Variants in FGF13 observed in about 807,000 individuals in gnomAD.
FGF13 encodes fibroblast growth factor homologous factor 2.
Under a neutral mutation model 19.5 loss-of-function variants are expected in FGF13, and 2 were observed. That is an observed-to-expected ratio of 0.10 (90% CI 0.04 to 0.32). The LOEUF (loss-of-function observed/expected upper bound fraction) is 0.32, where lower values mean the gene tolerates loss of function less well. Among genes scored for constraint, FGF13 ranks in the 10% least tolerant of loss-of-function variants. FGF13 has a pLI of 1.00. For missense variants in FGF13, 113 were observed against 192.7 expected (o/e 0.59, Z 2.45); for synonymous variants, 72 against 76.9 (o/e 0.94, Z 0.33).
intron 3 of FGF13, among the ~76,000 whole-genome samples, chrX:138,697,721 T>A (rs1276752793): frequency 9.0e-6 from 1 of 111,327 alleles, no homozygotes; most frequent in Non-Finnish European, 1.9e-5. Context: ...ATAAAAAAAA[T>A]AATAGTAATG....
At chrX:138,633,099 G>T in intron 4 of FGF13, 113 bp from the exon 5 acceptor site, 1 of 748,863 alleles carries the variant, frequency 1.3e-6, no homozygotes. Flanking sequence ...TGATAAGTAT[G>T]TGAGGTAATG....
chrX:138,954,394 T>C (rs945363009), intron 1 of FGF13, among the ~76,000 whole-genome samples: 26 of 111,885 alleles, frequency 2.3e-4, no homozygotes, highest in African/African-American at 7.8e-4. Context: ...ATTTTTTAAA[T>C]ACCATTTTCA....
intron 1 of FGF13, among the ~76,000 whole-genome samples, chrX:139,144,479 C>G (rs925997754): frequency 2.7e-5 from 3 of 111,587 alleles, no homozygotes; most frequent in Non-Finnish European, 5.6e-5. Flanking sequence ...CTCCAGAAGA[C>G]CCCCCTGACA....
chrX:139,028,582 C>T (rs759584562), intron 1 of FGF13, among the ~76,000 whole-genome samples: 3 of 61,600 alleles, frequency 4.9e-5, no homozygotes, highest in African/African-American at 1.1e-4. Context: ...GGAGAGAGAG[C>T]GTGTGTGTGT....
At chrX:138,897,097 C>T (rs1359582023) in intron 1 of FGF13, among the ~76,000 whole-genome samples, 1 of 111,580 alleles carries the variant, frequency 9.0e-6, no homozygotes, top group Non-Finnish European at 1.9e-5. Context: ...GCAACCTCCG[C>T]CTCCCAGGCT....
At chrX:139,095,877 C>T (rs370978246) in intron 1 of FGF13, among the ~76,000 whole-genome samples, 4 of 111,845 alleles carry the variant, frequency 3.6e-5, no homozygotes, top group Admixed American at 1.9e-4. Flanking sequence ...GGGTAGGGTG[C>T]AATGCCAGGG....
intron 1 of FGF13, among the ~76,000 whole-genome samples, chrX:138,728,130 G>A (rs2090200156): frequency 9.0e-6 from 1 of 111,199 alleles, no homozygotes; most frequent in Non-Finnish European, 1.9e-5. Flanking sequence ...TGAACCATAA[G>A]CCATCATGGA....
chrX:138,699,695 C>T lies in FGF13; in HGVS notation c.402+3289G>A, dbSNP rs778572512. Among the ~76,000 whole-genome samples the T allele has an allele frequency of 8.0e-5, 9 of 112,349 alleles. 1 individual carries two copies. In the South Asian group the frequency reaches 3.3e-3, roughly 41 times the overall value. On this transcript the variant is annotated intron_variant, in intron 3 of 4. Coordinates refer to ENST00000315930, the MANE Select transcript of FGF13 (RefSeq NM_004114.5). ...TATCTGCCATAATTAGTTATTCTTC[C>T]TCTGCTGGTCACTTTCATGCTGTTA...
At chrX:139,126,434 C>G (rs762908777) in intron 1 of FGF13, among the ~76,000 whole-genome samples, 17 of 111,322 alleles carry the variant, frequency 1.5e-4, no homozygotes, top group Non-Finnish European at 3.0e-4. Flanking sequence ...AAGTACGAAT[C>G]ACACTGGGCT....
At chrX:138,941,149 G>A (rs1025331374) in intron 1 of FGF13, among the ~76,000 whole-genome samples, 1 of 111,086 alleles carries the variant, frequency 9.0e-6, no homozygotes, top group African/African-American at 3.3e-5. Context: ...TTGAAAACCA[G>A]ACAAGAAAGG....
chrX:138,986,950 A>T (rs2091996910), intron 1 of FGF13, among the ~76,000 whole-genome samples: 1 of 112,502 alleles, frequency 8.9e-6, no homozygotes, highest in Admixed American at 9.4e-5. Flanking sequence ...TAATACTGTT[A>T]TAATGTTGCT....
chrX:138,663,545 C>T (rs1181720878), intron 3 of FGF13, among the ~76,000 whole-genome samples: 3 of 111,492 alleles, frequency 2.7e-5, no homozygotes. Context: ...TAAACTCATA[C>T]CTTGTGTTCA....
chrX:138,991,033 G>A (rs2092013394), intron 1 of FGF13, among the ~76,000 whole-genome samples: 1 of 111,958 alleles, frequency 8.9e-6, no homozygotes, highest in South Asian at 3.8e-4. Context: ...CCTTTGAAAT[G>A]GAGGCTCCAG....
chrX:139,061,987 A>C (rs2092337791), intron 1 of FGF13, among the ~76,000 whole-genome samples: 1 of 111,549 alleles, frequency 9.0e-6, no homozygotes, highest in East Asian at 2.8e-4. Flanking sequence ...ATAAATGTAT[A>C]GTTTGAAAAT....
At chrX:138,984,588 A>AGG (rs2091982417) in intron 1 of FGF13, among the ~76,000 whole-genome samples, 8 of 11,495 alleles carry the variant, frequency 7.0e-4, no homozygotes, top group Non-Finnish European at 1.1e-3. Context: ...GAAGAAGAAG[A>AGG]AGGAGGAGGA....
chrX:138,713,260 AAAAT>A (rs1447917875), upstream of FGF13, among the ~76,000 whole-genome samples: 1 of 112,610 alleles, frequency 8.9e-6, no homozygotes, highest in Non-Finnish European at 1.9e-5. Context: ...TTCATAGGGA[AAAAT>A]AAATCCCTGA....
At chrX:139,197,334 AG>A (rs1361368723) in intron 1 of FGF13, among the ~76,000 whole-genome samples, 2 of 112,807 alleles carry the variant, frequency 1.8e-5, no homozygotes, top group Non-Finnish European at 3.7e-5. Context: ...GGATTAAATT[AG>A]ATATATGTAA....
intron 3 of FGF13, among the ~76,000 whole-genome samples, chrX:138,768,262 G>A (rs2090516177): frequency 8.9e-6 from 1 of 112,170 alleles, no homozygotes; most frequent in Admixed American, 9.5e-5. Context: ...TATGAAATGT[G>A]GAAAGGCTTG....
chrX:138,987,279 T>C (rs1355843526), intron 1 of FGF13, among the ~76,000 whole-genome samples: 2 of 111,828 alleles, frequency 1.8e-5, no homozygotes, highest in Non-Finnish European at 3.8e-5. Context: ...CCTGGGTCAC[T>C]GTTTGCTCTG....
Sources: allele counts gnomAD v4.1 joint callset (sites outside exome capture counted in the v4.1 genomes callset), GRCh38; gene constraint gnomAD v4.1.1; transcripts MANE v1.5; gene names NCBI Gene and HGNC (gene_info 2026-07-23, HGNC 2026-07-21).